PPFIA2: variants seen among roughly 807,000 people sequenced by gnomAD.
PPFIA2 encodes liprin-alpha-2.
PPFIA2 carries 46 observed loss-of-function variants against 175.5 expected under a neutral mutation model. The observed-to-expected ratio is 0.26, with a 90% CI of 0.21 to 0.34. PPFIA2 has a LOEUF of 0.34. PPFIA2 is among the 10% of genes least tolerant of loss of function. The probability of loss-of-function intolerance (pLI) is 1.00; values close to 1 mark genes in which losing one functional copy is unlikely to be tolerated. For missense variants in PPFIA2, 1,179 were observed against 1,506.1 expected, an observed-to-expected ratio of 0.78 and a Z score of 3.60; for synonymous variants, 568 against 511.4, an observed-to-expected ratio of 1.11 and a Z score of -1.49.
chr12:81,340,729 A>T (rs904601133), intron 20 of PPFIA2, among the ~76,000 whole-genome samples: 42 of 152,206 alleles, frequency 2.8e-4, no homozygotes, highest in Admixed American at 1.4e-3. Flanking sequence ...TGCAATCCAA[A>T]TTTATGATCT....
At chr12:81,605,324 A>G (rs2060180421) in intron 4 of PPFIA2, among the ~76,000 whole-genome samples, 1 of 151,810 alleles carries the variant, frequency 6.6e-6, no homozygotes, top group South Asian at 2.1e-4. Flanking sequence ...TACTGAAAGA[A>G]CAATGGGGTG....
At chr12:81,430,012 C>G (rs903474062) in intron 7 of PPFIA2, 1 of 152,128 alleles carries the variant, frequency 6.6e-6, no homozygotes, top group Non-Finnish European at 1.5e-5. Context: ...GATAACCCAT[C>G]TCCTTGAGAA....
At position 81,617,444 on chromosome 12, in the gene PPFIA2, G is replaced by A. The variant is rs190125686; in HGVS notation, c.303+59347C>T. ...AAGTTATTCACATGTTATTGTGCCT[G>A]CCCCTTCAACTTGGAGCTCCTAGAG... On this transcript the variant is annotated intron_variant, in intron 4 of 32. Coordinates refer to ENST00000549396, the MANE Select transcript of PPFIA2 (RefSeq NM_003625.5). 1.1e-3 allele frequency among the ~76,000 whole-genome samples: 170 copies of A among 152,232 alleles called. 2 individuals are homozygous for A. The highest frequency in any genetic ancestry group is 3.9e-4 in the East Asian group (2 of 5,174).
At chr12:81,518,626 C>A (rs1428695867) in intron 4 of PPFIA2, among the ~76,000 whole-genome samples, 2 of 152,070 alleles carry the variant, frequency 1.3e-5, no homozygotes, top group African/African-American at 4.8e-5. Context: ...CTTACTGACA[C>A]CTTCACCTTT....
At chr12:81,260,039 TA>T (rs1217446329) in intron 32 of PPFIA2, 1 of 162,248 alleles carries the variant, frequency 6.2e-6, no homozygotes, top group East Asian at 1.7e-4. Context: ...TTAGAGTTCT[TA>T]AAAAATACCT....
chr12:81,565,080 T>C (rs943469687), intron 4 of PPFIA2, among the ~76,000 whole-genome samples: 1 of 152,166 alleles, frequency 6.6e-6, no homozygotes, highest in Non-Finnish European at 1.5e-5. Flanking sequence ...TTATAAACTC[T>C]GATGAACCTT....
chr12:81,465,023 C>T (rs961397889), intron 4 of PPFIA2, among the ~76,000 whole-genome samples: 5 of 152,114 alleles, frequency 3.3e-5, no homozygotes, highest in African/African-American at 9.7e-5. Flanking sequence ...GGTAAGTCCC[C>T]ACCTCAGGAA....
At chr12:81,672,312 AT>A (rs1187079524) in intron 4 of PPFIA2, among the ~76,000 whole-genome samples, 6 of 152,016 alleles carry the variant, frequency 3.9e-5, no homozygotes, top group Admixed American at 3.3e-4. Flanking sequence ...AGTTTTGTAG[AT>A]TTTTAAACTC....
At chr12:81,552,094 T>C (rs1393988932) in intron 4 of PPFIA2, among the ~76,000 whole-genome samples, 2 of 151,646 alleles carry the variant, frequency 1.3e-5, no homozygotes, top group Admixed American at 1.3e-4. Flanking sequence ...ACAATGTTTA[T>C]ATAATTTCAA....
At chr12:81,643,982 T>G (rs1418999590) in intron 4 of PPFIA2, among the ~76,000 whole-genome samples, 1 of 151,976 alleles carries the variant, frequency 6.6e-6, no homozygotes, top group South Asian at 2.1e-4. Context: ...GATGAATTGA[T>G]GTCAAATGGG....
intron 4 of PPFIA2, among the ~76,000 whole-genome samples, chr12:81,625,568 C>T (rs1381834318): frequency 6.6e-6 from 1 of 151,634 alleles, no homozygotes; most frequent in African/African-American, 2.4e-5. Context: ...TTATGTGTCA[C>T]TAGGTAAGAT....
At chr12:81,465,803 C>A (rs1024016477) in intron 4 of PPFIA2, among the ~76,000 whole-genome samples, 1 of 152,070 alleles carries the variant, frequency 6.6e-6, no homozygotes, top group African/African-American at 2.4e-5. Context: ...TTTATATCTA[C>A]ACTTAGTATA....
At chr12:81,281,803 T>C (rs1455129853) in intron 26 of PPFIA2, among the ~76,000 whole-genome samples, 1 of 152,128 alleles carries the variant, frequency 6.6e-6, no homozygotes, top group Non-Finnish European at 1.5e-5. Flanking sequence ...CATTTCCCTC[T>C]TGTCAATGCA....
At chr12:81,312,818 T>C (rs1182784085) in intron 22 of PPFIA2, among the ~76,000 whole-genome samples, 2 of 152,170 alleles carry the variant, frequency 1.3e-5, no homozygotes, top group Non-Finnish European at 2.9e-5. Flanking sequence ...TTCCAACCAA[T>C]GCTGTAATAA....
At chr12:81,623,743 A>G (rs578200512) in intron 4 of PPFIA2, among the ~76,000 whole-genome samples, 101 of 152,086 alleles carry the variant, frequency 6.6e-4, no homozygotes, top group African/African-American at 2.3e-3. Context: ...TTTGAATAGT[A>G]AAGTATTAGC....
At chr12:81,567,036 C>T (rs1382368982) in intron 4 of PPFIA2, among the ~76,000 whole-genome samples, 7 of 152,138 alleles carry the variant, frequency 4.6e-5, no homozygotes, top group Admixed American at 1.3e-4. Context: ...TGATCTTTTT[C>T]CCTCCCTGGG....
In PPFIA2 at chr12:81,541,110, TA is replaced by T. The variant is rs542053108; in HGVS notation, c.304-83245del. On this transcript the variant is annotated intron_variant, in intron 4 of 32. Transcript: ENST00000549396. ...GCATAAACAACTTACTTTTTAAACA[TA>T]ACATTAAGTTTTAAAATTTATCAGT... 1.1e-4 allele frequency among the ~76,000 whole-genome samples: 16 copies of T among 152,274 alleles called. No individual in the cohort carries two copies. In the South Asian group the frequency reaches 3.1e-3, roughly 30 times the overall value.
Position 81,259,400 on chromosome 12 carries a change from G to A in PPFIA2, c.*294C>T. On this transcript the variant is annotated 3_prime_UTR_variant, in exon 33 of 33. Transcript: ENST00000549396. ...TACAATAAAACATGAAAAACAACTG[G>A]CTTCATTTCATAAAAGCATCTGTTG... The A allele has an allele frequency of 4.7e-6, 3 of 644,278 alleles. No individual in the cohort carries two copies. Among genetic ancestry groups the A allele is most frequent in the Non-Finnish European group, 8.5e-6 (3 of 354,804 alleles). 39.9% of individuals were successfully genotyped at this position (644,278 alleles called of 1,614,324 possible). A position where few individuals can be genotyped will look rare whatever the true frequency, so the allele number is the denominator to read the frequency against.
At chr12:81,392,916 C>G (rs559918866) in intron 8 of PPFIA2, among the ~76,000 whole-genome samples, 1 of 152,044 alleles carries the variant, frequency 6.6e-6, no homozygotes, top group African/African-American at 2.4e-5. Context: ...ATGAGAAAAA[C>G]TTGTTGGCTT....
Sources: allele counts gnomAD v4.1 joint callset (sites outside exome capture counted in the v4.1 genomes callset), GRCh38; gene constraint gnomAD v4.1.1; transcripts MANE v1.5; gene names NCBI Gene and HGNC (gene_info 2026-07-23, HGNC 2026-07-21).